LSP1: variants seen among roughly 807,000 people sequenced by gnomAD.
LSP1 encodes the protein lymphocyte specific protein 1, also known as lymphocyte-specific protein 1.
Under a neutral mutation model 49.3 loss-of-function variants are expected in LSP1, and 32 were observed. That is an observed-to-expected ratio of 0.65 (90% CI 0.49 to 0.87). The LOEUF is 0.87. Among genes scored for constraint, LSP1 ranks in the 40% least tolerant of loss-of-function variants. LSP1 has a pLI of 0.00. For missense variants in LSP1, 428 were observed against 442.6 expected (o/e 0.97, Z 0.30); for synonymous variants, 179 against 178.8 (o/e 1.00, Z -0.01).
intron 3 of LSP1, 130 bp downstream of exon 3, chr11:1,881,726 G>GCTGGGCA: frequency 1.1e-6 from 1 of 947,270 alleles, no homozygotes; most frequent in Non-Finnish European, 1.4e-6. Flanking sequence ...AGGGCACCGC[G>GCTGGGCA]GAGCTCCCTT....
chr11:1,866,533 C>A, intron 1 of LSP1: 3 of 1,534,340 alleles, frequency 2.0e-6, no homozygotes, highest in Non-Finnish European at 2.6e-6. Context: ...AGTTCAGGAC[C>A]AGCACCAGGA....
intron 1 of LSP1, among the ~76,000 whole-genome samples, chr11:1,864,540 C>G (rs1470999788): frequency 6.6e-6 from 1 of 152,010 alleles, no homozygotes; most frequent in African/African-American, 2.4e-5. Context: ...AGAGGTCTGG[C>G]TGAGCCCCAC....
intron 1 of LSP1, chr11:1,866,672 T>C: frequency 6.5e-7 from 1 of 1,550,336 alleles, no homozygotes. Flanking sequence ...AACGGGAATG[T>C]GTTTTCCCAG....
intron 1 of LSP1, among the ~76,000 whole-genome samples, chr11:1,861,587 T>G (rs1463460127): frequency 7.0e-6 from 1 of 141,996 alleles, no homozygotes; most frequent in Non-Finnish European, 1.5e-5. Context: ...AGATGAATGG[T>G]TGGATGGATG....
At chr11:1,880,007 C>T (rs759735324) in intron 1 of LSP1, 80 bp from the exon 2 acceptor site, 3 of 1,553,476 alleles carry the variant, frequency 1.9e-6, no homozygotes, top group Admixed American at 1.8e-5. Context: ...CCCAGCAAGG[C>T]CTGTGTAGAT....
chr11:1,890,739 A>G (rs1235292119), intron 10 of LSP1: 8 of 603,554 alleles, frequency 1.3e-5, no homozygotes, highest in African/African-American at 1.1e-4. Context: ...CCTGCCAGGG[A>G]CATGCTGAGC....
At chr11:1,864,178 G>A in intron 1 of LSP1, 3 of 986,794 alleles carry the variant, frequency 3.0e-6, no homozygotes, top group Non-Finnish European at 3.6e-6. Flanking sequence ...GTGCGAGACG[G>A]GGAAGGAGGG....
chr11:1,890,144 C>A (rs1240297553), intron 10 of LSP1: 1 of 717,070 alleles, frequency 1.4e-6, no homozygotes. Context: ...GCCCCATGGC[C>A]CTGAATTGAG....
intron 4 of LSP1, 97 bp downstream of exon 4, chr11:1,883,657 C>T (rs1848641249): frequency 6.9e-7 from 1 of 1,456,862 alleles, no homozygotes; most frequent in African/African-American, 1.4e-5. Context: ...GTGGGTCTAG[C>T]CCAGAGTGGG....
intron 1 of LSP1, among the ~76,000 whole-genome samples, chr11:1,862,076 C>T (rs556796517): frequency 1.4e-4 from 20 of 147,834 alleles, no homozygotes; most frequent in East Asian, 4.2e-4. Context: ...GGTGGATGGA[C>T]GGATGCATGG....
At chr11:1,856,219 G>T (rs561978425) in intron 1 of LSP1, among the ~76,000 whole-genome samples, 2 of 152,302 alleles carry the variant, frequency 1.3e-5, no homozygotes, top group African/African-American at 4.8e-5. Context: ...CCCCCAGTCT[G>T]TTCCCCATGA....
At position 1,884,421 on chromosome 11, in the gene LSP1, G is replaced by T; in HGVS notation, c.636-79G>T. The T allele has an allele frequency of 1.2e-6, 2 of 1,605,778 alleles. No individual in the cohort carries two copies. The highest frequency in any genetic ancestry group is 1.7e-6 in the Non-Finnish European group (2 of 1,172,514). On this transcript the variant is annotated intron_variant, in intron 6 of 10. Transcript: ENST00000311604. This position sits in a 1 kb window ranked among gnomAD's most constrained non-coding sequence, Gnocchi z 4.1. ...CAAGGTAGAGATCTGGAGACCGAGG[G>T]GGGCTCTGGGAGAGGCTTGGGCAGG...
At chr11:1,866,878 C>G in intron 1 of LSP1, 5 of 1,534,576 alleles carry the variant, frequency 3.3e-6, no homozygotes, top group Non-Finnish European at 4.4e-6. Flanking sequence ...CATGAGCATC[C>G]GTCCAGCGGG....
intron 1 of LSP1, among the ~76,000 whole-genome samples, chr11:1,878,141 A>G (rs1297622844): frequency 5.9e-5 from 9 of 152,098 alleles, no homozygotes; most frequent in African/African-American, 2.2e-4. Context: ...CCTTGCTCAC[A>G]TGGAGGGGCT....
intron 1 of LSP1, chr11:1,867,003 C>T (rs562204621): frequency 5.5e-6 from 7 of 1,276,832 alleles, no homozygotes; most frequent in East Asian, 5.2e-5. Flanking sequence ...ACTGAAGCCG[C>T]GTGGGCCCAG....
At chr11:1,872,559 G>T (rs950422540) in intron 1 of LSP1, among the ~76,000 whole-genome samples, 3 of 139,702 alleles carry the variant, frequency 2.1e-5, no homozygotes, top group African/African-American at 8.2e-5. Flanking sequence ...GGTCTGTCTG[G>T]CTGGCGTGGG....
At chr11:1,890,236 T>C in intron 10 of LSP1, 1 of 714,022 alleles carries the variant, frequency 1.4e-6, no homozygotes, top group Non-Finnish European at 2.6e-6. Flanking sequence ...ATGATGGGGG[T>C]GTGCGGGGAG....
chr11:1,877,884 G>A lies in LSP1; in HGVS notation c.54-2203G>A, dbSNP rs151168381. Among the ~76,000 whole-genome samples the A allele has an allele frequency of 7.2e-5, 11 of 152,278 alleles. No individual in the cohort carries two copies. In the East Asian group the frequency reaches 2.1e-3, roughly 29 times the overall value. On this transcript the variant is annotated intron_variant, in intron 1 of 10. Coordinates refer to ENST00000311604, the MANE Select transcript of LSP1 (RefSeq NM_002339.3). ...GGGCATGAGCTGTGAGCAGAGTGAG[G>A]GCCTTTGTGGGGCTGTTGGGGCCCG...
At chr11:1,866,454 G>A in intron 1 of LSP1, 1 of 1,461,382 alleles carries the variant, frequency 6.8e-7, no homozygotes, top group Non-Finnish European at 9.1e-7. Flanking sequence ...CCACTTGTTG[G>A]GTCCGTGCAG....
Sources: allele counts gnomAD v4.1 joint callset (sites outside exome capture counted in the v4.1 genomes callset), GRCh38; gene constraint gnomAD v4.1.1; non-coding constraint Gnocchi (gnomAD v3.1); transcripts MANE v1.5; gene names NCBI Gene and HGNC (gene_info 2026-07-23, HGNC 2026-07-21).